The following PLA2G4A variants were observed in gnomAD, a reference collection of about 807,000 sequenced individuals.
PLA2G4A encodes the protein cytosolic phospholipase A2.
In PLA2G4A, 40 loss-of-function variants were observed where a neutral mutation model predicts 81.9. The ratio of observed to expected loss-of-function variants is 0.49; its 90% CI spans 0.38 to 0.64. The LOEUF (loss-of-function observed/expected upper bound fraction) is 0.64. Among genes scored for constraint, PLA2G4A ranks in the 30% least tolerant of loss-of-function variants. The pLI is 0.00. For synonymous variants in PLA2G4A, 302 were observed against 296.9 expected, an observed-to-expected ratio of 1.02 and a Z score of -0.18; for missense variants, 715 against 905.1, an observed-to-expected ratio of 0.79 and a Z score of 2.69.
Position 186,870,484 on chromosome 1 carries a change from C to A in PLA2G4A, c.83C>A (p.Thr28Asn). ...TTTACGGTAGTGGTGTTACGTGCCA[C>A]CAAAGTGACAAAGGGGGCCTTTGGT... The part of the protein sequence containing the change: ...HKFTVVVLRA[T>N]KVTKGAFGDM... Residue 28 changes from threonine to asparagine, a missense_variant, in exon 3 of 18, where the codon ACC (threonine) becomes AAC (asparagine). Transcript: ENST00000367466. 6.2e-7 allele frequency: 1 copy of A among 1,612,336 alleles called. No homozygotes were observed. The highest frequency in any genetic ancestry group is 1.3e-5 in the African/African-American group (1 of 74,992).
At chr1:186,952,618 A>G (rs992883700) in intron 13 of PLA2G4A, among the ~76,000 whole-genome samples, 12 of 152,160 alleles carry the variant, frequency 7.9e-5, no homozygotes, top group African/African-American at 2.7e-4. Context: ...TGTATATTCT[A>G]TGGGTTTTGA....
chr1:186,920,952 G>A (rs1416304160), intron 7 of PLA2G4A, among the ~76,000 whole-genome samples: 1 of 152,228 alleles, frequency 6.6e-6, no homozygotes, highest in East Asian at 1.9e-4. Context: ...CTAAGGCCAT[G>A]TTAATCATGT....
In PLA2G4A at chr1:186,967,519, T is replaced by C. The variant is rs147261124; in HGVS notation, c.1764+1926T>C. 2.1e-3 allele frequency among the ~76,000 whole-genome samples: 312 copies of C among 150,336 alleles called. 1 individual carries two copies. The highest frequency in any genetic ancestry group is 2.9e-3 in the Non-Finnish European group (194 of 67,730). The stretch of plus-strand genomic sequence containing the variant: ...GTTAGTGGGAAAATACAGTTCCTGA[T>C]CTCCCATAACATTTTGGTTTTTTGG... On this transcript the variant is annotated intron_variant, in intron 15 of 17. Transcript: ENST00000367466.
intron 14 of PLA2G4A, among the ~76,000 whole-genome samples, chr1:186,958,330 T>A (rs2102261320): frequency 6.6e-6 from 1 of 152,246 alleles, no homozygotes; most frequent in South Asian, 2.1e-4. Context: ...AAAATAAAAA[T>A]ACACTTAACC....
At chr1:186,880,573 A>C (rs1043547598) in intron 3 of PLA2G4A, among the ~76,000 whole-genome samples, 1 of 151,984 alleles carries the variant, frequency 6.6e-6, no homozygotes, top group Non-Finnish European at 1.5e-5. Context: ...TAGAGCAAAG[A>C]GTTACCTGGC....
intron 17 of PLA2G4A, 72 bp from the exon 18 acceptor site, chr1:186,988,305 T>C: frequency 8.4e-7 from 1 of 1,187,234 alleles, no homozygotes; most frequent in Non-Finnish European, 1.2e-6. Context: ...TCATTTGATT[T>C]TTATTTTAAT....
chr1:186,973,664 C>A (rs1657435701), intron 15 of PLA2G4A, among the ~76,000 whole-genome samples: 3 of 152,074 alleles, frequency 2.0e-5, no homozygotes, highest in African/African-American at 7.2e-5. Context: ...AATAACTAAC[C>A]AGAATTAAAA....
At chr1:186,891,069 G>A (rs1249423465) in intron 3 of PLA2G4A, among the ~76,000 whole-genome samples, 7 of 151,906 alleles carry the variant, frequency 4.6e-5, no homozygotes, top group Non-Finnish European at 8.8e-5. Context: ...GATAAAGTAA[G>A]CAGGATGATT....
At chr1:186,925,379 C>A (rs1342096445) in intron 7 of PLA2G4A, among the ~76,000 whole-genome samples, 1 of 152,176 alleles carries the variant, frequency 6.6e-6, no homozygotes, top group African/African-American at 2.4e-5. Context: ...AAAACAGAAA[C>A]CTATTTCTAT....
At chr1:186,881,874 A>T (rs1459916451) in intron 3 of PLA2G4A, among the ~76,000 whole-genome samples, 1 of 152,006 alleles carries the variant, frequency 6.6e-6, no homozygotes, top group Non-Finnish European at 1.5e-5. Flanking sequence ...TCTTTTAGTA[A>T]TGTGTATCAT....
intron 5 of PLA2G4A, among the ~76,000 whole-genome samples, chr1:186,904,943 C>T (rs1301680759): frequency 2.0e-5 from 3 of 152,124 alleles, no homozygotes; most frequent in Non-Finnish European, 4.4e-5. Flanking sequence ...CAACCTCCGC[C>T]TGCTGGGTTC....
At chr1:186,838,839 A>G (rs1651878997) in intron 1 of PLA2G4A, among the ~76,000 whole-genome samples, 2 of 152,196 alleles carry the variant, frequency 1.3e-5, no homozygotes, top group South Asian at 2.1e-4. Flanking sequence ...TGTGTAAAAC[A>G]TTTTGTGATA....
At chr1:186,986,590 A>G (rs1657898618) in intron 17 of PLA2G4A, among the ~76,000 whole-genome samples, 1 of 152,238 alleles carries the variant, frequency 6.6e-6, no homozygotes, top group Admixed American at 6.5e-5. Flanking sequence ...TATAAACTTT[A>G]TAGCTTCACT....
intron 5 of PLA2G4A, among the ~76,000 whole-genome samples, chr1:186,906,743 A>G (rs970980314): frequency 2.6e-5 from 4 of 152,168 alleles, no homozygotes; most frequent in Non-Finnish European, 4.4e-5. Flanking sequence ...TGTTTGCTAA[A>G]ATGACGTACT....
chr1:186,926,881 G>A (rs1397697903), intron 7 of PLA2G4A, among the ~76,000 whole-genome samples: 1 of 151,944 alleles, frequency 6.6e-6, no homozygotes, highest in Non-Finnish European at 1.5e-5. Flanking sequence ...CATATTCTTG[G>A]GTGCTGCCAT....
At chr1:186,842,128 C>T (rs372661277) in intron 1 of PLA2G4A, among the ~76,000 whole-genome samples, 5 of 151,314 alleles carry the variant, frequency 3.3e-5, no homozygotes, top group Admixed American at 6.6e-5. Context: ...CTGCAACCTC[C>T]GCCTCCCGGT....
intron 10 of PLA2G4A, among the ~76,000 whole-genome samples, chr1:186,942,886 T>G (rs1365086387): frequency 6.6e-6 from 1 of 152,176 alleles, no homozygotes; most frequent in African/African-American, 2.4e-5. Context: ...TAAGGCGGGT[T>G]GAGCTGTGTC....
chr1:186,842,684 T>C (rs565427153), intron 1 of PLA2G4A, among the ~76,000 whole-genome samples: 2 of 152,142 alleles, frequency 1.3e-5, no homozygotes, highest in Admixed American at 1.3e-4. Context: ...GGAAAGAGCA[T>C]GTGAGGACAC....
At chr1:186,909,320 T>G (rs1654856614) in intron 6 of PLA2G4A, among the ~76,000 whole-genome samples, 1 of 148,880 alleles carries the variant, frequency 6.7e-6, no homozygotes, top group African/African-American at 2.5e-5. Flanking sequence ...AATATGTCAT[T>G]ATAAAGAATA....
Sources: allele counts gnomAD v4.1 joint callset (sites outside exome capture counted in the v4.1 genomes callset), GRCh38; gene constraint gnomAD v4.1.1; transcripts MANE v1.5; gene names NCBI Gene and HGNC (gene_info 2026-07-23, HGNC 2026-07-21).